The following CCDC91 variants were observed in gnomAD, a reference collection of about 807,000 sequenced individuals.
CCDC91 encodes the protein coiled-coil domain containing 91.
In CCDC91, 48 loss-of-function variants were observed where a neutral mutation model predicts 63.2. The observed-to-expected ratio is 0.76, with a 90% confidence interval of 0.60 to 0.97. CCDC91 has a LOEUF of 0.97. CCDC91 is among the 50% of genes least tolerant of loss of function. The pLI is 0.00. For missense variants in CCDC91, 500 were observed against 494.6 expected, an observed-to-expected ratio of 1.01 and a Z score of -0.10; for synonymous variants, 167 against 165.8, an observed-to-expected ratio of 1.01 and a Z score of -0.06.
chr12:28,223,895 C>G, intron 1 of CCDC91, among the ~76,000 whole-genome samples: 1 of 152,236 alleles, frequency 6.6e-6, no homozygotes, highest in South Asian at 2.1e-4. Flanking sequence ...AATTATTTCT[C>G]TTGAAACTCA....
chr12:28,241,475 G>T (rs1389704969), intron 1 of CCDC91, among the ~76,000 whole-genome samples: 4 of 152,068 alleles, frequency 2.6e-5, no homozygotes, highest in Non-Finnish European at 4.4e-5. Context: ...ATAGTTCTAG[G>T]ATATGAGTAG....
chr12:28,243,756 G>A (rs1216890689), intron 1 of CCDC91, among the ~76,000 whole-genome samples: 3 of 152,076 alleles, frequency 2.0e-5, no homozygotes, highest in African/African-American at 4.8e-5. Flanking sequence ...TGTAAAAACC[G>A]AGGGAGAAAT....
chr12:28,464,943 C>A (rs569198706), intron 11 of CCDC91, among the ~76,000 whole-genome samples: 2 of 152,230 alleles, frequency 1.3e-5, no homozygotes, highest in East Asian at 3.9e-4. Flanking sequence ...CAGCCCTGGG[C>A]CAGAGGAGGA....
At chr12:28,340,520 C>T (rs1366408590) in intron 6 of CCDC91, among the ~76,000 whole-genome samples, 4 of 152,216 alleles carry the variant, frequency 2.6e-5, no homozygotes, top group Non-Finnish European at 5.9e-5. Context: ...TTCCTTGGCT[C>T]ATGGTCCTCT....
chr12:28,480,153 A>G (rs1951366772), intron 11 of CCDC91, among the ~76,000 whole-genome samples: 1 of 151,992 alleles, frequency 6.6e-6, no homozygotes, highest in African/African-American at 2.4e-5. Context: ...CTTATACCCA[A>G]TGTCATATAA....
At chr12:28,242,582 G>C (rs1160658099) in intron 1 of CCDC91, among the ~76,000 whole-genome samples, 2 of 152,168 alleles carry the variant, frequency 1.3e-5, no homozygotes, top group Non-Finnish European at 2.9e-5. Context: ...TGGGGAGAGA[G>C]AGAGAGAGAA....
At chr12:28,527,466 C>T (rs1178436753) in intron 12 of CCDC91, among the ~76,000 whole-genome samples, 3 of 152,220 alleles carry the variant, frequency 2.0e-5, no homozygotes, top group Non-Finnish European at 2.9e-5. Flanking sequence ...ATCTTTGGGT[C>T]TCTCAGCCAT....
chr12:28,514,905 T>C (rs923349069), intron 12 of CCDC91, among the ~76,000 whole-genome samples: 5 of 151,610 alleles, frequency 3.3e-5, no homozygotes, highest in Admixed American at 1.3e-4. Context: ...TCAGGAAAAA[T>C]GACTAATGGA....
chr12:28,199,287 A>G (rs1236508954), intron 1 of CCDC91, among the ~76,000 whole-genome samples: 4 of 143,578 alleles, frequency 2.8e-5, no homozygotes, highest in Admixed American at 1.5e-4. Flanking sequence ...ACCTTATTTT[A>G]TAACAATCTA....
chr12:28,216,723 A>G (rs967089350), intron 1 of CCDC91, among the ~76,000 whole-genome samples: 3 of 152,090 alleles, frequency 2.0e-5, no homozygotes, highest in African/African-American at 7.2e-5. Flanking sequence ...CTCTTCATCT[A>G]TGAAACTGAA....
intron 1 of CCDC91, among the ~76,000 whole-genome samples, chr12:28,237,637 G>A (rs1945055493): frequency 6.6e-6 from 1 of 152,170 alleles, no homozygotes; most frequent in South Asian, 2.1e-4. Flanking sequence ...GCCTCCAGAG[G>A]GAGCCAGCCT....
intron 12 of CCDC91, among the ~76,000 whole-genome samples, chr12:28,513,374 A>G (rs1939584745): frequency 6.6e-6 from 1 of 151,830 alleles, no homozygotes; most frequent in Admixed American, 6.6e-5. Context: ...GGAATTGTAT[A>G]CAAGTTGAGA....
chr12:28,273,501 G>T (rs867547847), intron 3 of CCDC91, among the ~76,000 whole-genome samples: 1 of 152,162 alleles, frequency 6.6e-6, no homozygotes, highest in East Asian at 1.9e-4. Context: ...TCCAGCACCT[G>T]TTGTTTCCTG....
chr12:28,500,102 T>C (rs1490412068), intron 12 of CCDC91, among the ~76,000 whole-genome samples: 1 of 152,162 alleles, frequency 6.6e-6, no homozygotes, highest in Non-Finnish European at 1.5e-5. Context: ...CCAGTGATGA[T>C]GAGCTTTTTT....
At chr12:28,402,314 A>G (rs1946671263) in intron 8 of CCDC91, among the ~76,000 whole-genome samples, 1 of 152,102 alleles carries the variant, frequency 6.6e-6, no homozygotes, top group South Asian at 2.1e-4. Flanking sequence ...TTCTTTCATC[A>G]GAGTTTTGTA....
intron 8 of CCDC91, among the ~76,000 whole-genome samples, chr12:28,421,591 A>G (rs1268298656): frequency 1.4e-5 from 2 of 148,140 alleles, no homozygotes; most frequent in East Asian, 2.0e-4. Flanking sequence ...ATAGTATTCC[A>G]TGGTGTATAT....
At chr12:28,281,262 A>G (rs1948594067) in intron 3 of CCDC91, among the ~76,000 whole-genome samples, 1 of 152,198 alleles carries the variant, frequency 6.6e-6, no homozygotes, top group Admixed American at 6.5e-5. Context: ...AAGCAGACCC[A>G]GTAGGAGATA....
rs1440033220 is a variant in CCDC91, at chr12:28,283,392, G to A, written c.110-22257G>A. On this transcript the variant is annotated intron_variant, in intron 3 of 12. Coordinates refer to ENST00000536442, the MANE Select transcript of CCDC91 (RefSeq NM_018318.5). ...GTATCATCTATGATTTCTTTCATCA[G>A]TCTTTTGTTGTTCCTGTGTAGATGT... 4.0e-5 allele frequency among the ~76,000 whole-genome samples: 6 copies of A among 151,838 alleles called. No homozygotes were observed. The East Asian group carries it at 1.2e-3, about 29-fold the overall frequency.
In CCDC91 at chr12:28,442,170, C is replaced by A. The variant is rs1592686722; in HGVS notation, c.763-7991C>A. 7.2e-5 allele frequency among the ~76,000 whole-genome samples: 11 copies of A among 152,202 alleles called. No individual in the cohort carries two copies. In the East Asian group the frequency reaches 2.1e-3, roughly 29 times the overall value. On this transcript the variant is annotated intron_variant, in intron 8 of 12. Coordinates refer to ENST00000536442, the MANE Select transcript of CCDC91 (RefSeq NM_018318.5). ...CCAACCACAAACAAAAGAGGAATTA[C>A]TACTGCCTGTGTATTCAGAGAACAC...
Sources: allele counts gnomAD v4.1 joint callset (sites outside exome capture counted in the v4.1 genomes callset), GRCh38; gene constraint gnomAD v4.1.1; transcripts MANE v1.5; gene names NCBI Gene and HGNC (gene_info 2026-07-23, HGNC 2026-07-21).